The following RNF128 variants were observed in gnomAD, a reference collection of about 807,000 sequenced individuals.
RNF128 encodes E3 ubiquitin-protein ligase RNF128.
RNF128 carries 13 observed loss-of-function variants against 26.2 expected under a neutral mutation model. The observed-to-expected ratio is 0.50, with a 90% CI of 0.32 to 0.79. The LOEUF (loss-of-function observed/expected upper bound fraction) is 0.79. Among genes scored for constraint, RNF128 ranks in the 30% least tolerant of loss-of-function variants. The probability of loss-of-function intolerance (pLI) is 0.03; values close to 1 mark genes in which losing one functional copy is unlikely to be tolerated. For synonymous variants in RNF128, 149 were observed against 142.5 expected, an observed-to-expected ratio of 1.05 and a Z score of -0.32; for missense variants, 315 against 349.7, an observed-to-expected ratio of 0.90 and a Z score of 0.79.
intron 1 of RNF128, among the ~76,000 whole-genome samples, chrX:106,753,444 T>C (rs991606187): frequency 4.5e-5 from 5 of 110,673 alleles, no homozygotes; most frequent in African/African-American, 1.3e-4. Flanking sequence ...TAGCCTCAAA[T>C]CAATGAACCT....
chrX:106,717,021 T>G (rs1166340351), intron 1 of RNF128, among the ~76,000 whole-genome samples: 1 of 109,707 alleles, frequency 9.1e-6, no homozygotes, highest in Non-Finnish European at 1.9e-5. Context: ...GCTAGCACGG[T>G]GAAACCCCGT....
At chrX:106,698,324 T>C (rs887026651) in intron 1 of RNF128, among the ~76,000 whole-genome samples, 2 of 110,564 alleles carry the variant, frequency 1.8e-5, no homozygotes, top group African/African-American at 6.6e-5. Context: ...ATTTCAGCTG[T>C]GTCCAACGAA....
At chrX:106,706,220 A>G (rs1929040773) in intron 1 of RNF128, among the ~76,000 whole-genome samples, 1 of 111,461 alleles carries the variant, frequency 9.0e-6, no homozygotes. Flanking sequence ...CTAGGAGGAA[A>G]TCTCTTAGGG....
chrX:106,778,049 A>G (rs1270629769), intron 2 of RNF128, among the ~76,000 whole-genome samples: 1 of 111,823 alleles, frequency 8.9e-6, no homozygotes, highest in African/African-American at 3.3e-5. Context: ...CAAACACAGT[A>G]TATAATTTAT....
intron 1 of RNF128, among the ~76,000 whole-genome samples, chrX:106,719,213 T>A (rs1326135454): frequency 3.7e-5 from 3 of 81,450 alleles, no homozygotes; most frequent in Non-Finnish European, 6.8e-5. Context: ...AAAAAAAAAA[T>A]TACTGCCCAT....
At chrX:106,768,551 T>G (rs376858780) in intron 1 of RNF128, among the ~76,000 whole-genome samples, 12 of 111,763 alleles carry the variant, frequency 1.1e-4, no homozygotes, top group Non-Finnish European at 2.1e-4. Context: ...TCTGTGGGAT[T>G]GGTGGTGATA....
At chrX:106,747,477 A>G (rs944349090) in intron 1 of RNF128, among the ~76,000 whole-genome samples, 1 of 111,560 alleles carries the variant, frequency 9.0e-6, no homozygotes, top group Non-Finnish European at 1.9e-5. Flanking sequence ...GATAGAAGAA[A>G]TGTAGTGATC....
At chrX:106,793,044 C>T (rs188813239) in intron 6 of RNF128, among the ~76,000 whole-genome samples, 1 of 111,441 alleles carries the variant, frequency 9.0e-6, no homozygotes, top group East Asian at 2.8e-4. Context: ...GGGCTAAGTT[C>T]TATTAGAGCA....
intron 1 of RNF128, among the ~76,000 whole-genome samples, chrX:106,702,581 A>G (rs780343435): frequency 1.1e-4 from 12 of 111,704 alleles, no homozygotes; most frequent in African/African-American, 3.9e-4. Flanking sequence ...CTTCATTCGA[A>G]GAGTACATTC....
chrX:106,726,680 C>G, upstream of RNF128: 1 of 1,014,871 alleles, frequency 9.9e-7, no homozygotes, highest in Non-Finnish European at 1.2e-6. Context: ...CGCTAAAGCC[C>G]CAGAGCCCGA....
At chrX:106,760,457 TG>T (rs1288855348) in intron 1 of RNF128, among the ~76,000 whole-genome samples, 2 of 111,821 alleles carry the variant, frequency 1.8e-5, no homozygotes, top group African/African-American at 6.5e-5. Flanking sequence ...CCAGTTAGGA[TG>T]GCTATTATAA....
rs188556011 is a variant in RNF128 at position 106,766,716 on chromosome X, T to C, written c.485-6197T>C. 6.2e-5 allele frequency among the ~76,000 whole-genome samples: 7 copies of C among 112,179 alleles called. No homozygotes were observed. In the East Asian group the frequency reaches 1.9e-3, roughly 31 times the overall value. On this transcript the variant is annotated intron_variant, in intron 1 of 6. Coordinates refer to ENST00000255499, the MANE Select transcript of RNF128 (RefSeq NM_194463.2). ...TTTGCTGTGCAGAAGCTCTTTAGTT[T>C]AATTAGATCCCATTTGTCAATTTTG...
At chrX:106,699,745 T>C (rs1180876205) in intron 1 of RNF128, among the ~76,000 whole-genome samples, 1 of 111,818 alleles carries the variant, frequency 8.9e-6, no homozygotes, top group Non-Finnish European at 1.9e-5. Context: ...GTCTACTCTT[T>C]CCCTCTCCCT....
chrX:106,770,079 C>G (rs1432371834), intron 1 of RNF128, among the ~76,000 whole-genome samples: 1 of 111,918 alleles, frequency 8.9e-6, no homozygotes, highest in Non-Finnish European at 1.9e-5. Context: ...GGCCCCGACT[C>G]TCTTCTGATT....
intron 3 of RNF128, among the ~76,000 whole-genome samples, chrX:106,787,133 C>T (rs1197485626): frequency 1.8e-5 from 2 of 111,341 alleles, no homozygotes; most frequent in Non-Finnish European, 1.9e-5. Context: ...TCTACGTTCA[C>T]ATAAAAACAC....
chrX:106,778,187 G>T (rs1186571455), intron 2 of RNF128, among the ~76,000 whole-genome samples: 1 of 111,106 alleles, frequency 9.0e-6, no homozygotes, highest in African/African-American at 3.3e-5. Context: ...CTGTGTGAGG[G>T]TCAGTGCCTA....
Position 106,726,772 on chromosome X carries a change from C to A in RNF128, c.-142C>A. On this transcript the variant is annotated 5_prime_UTR_variant, in exon 1 of 7. Coordinates refer to ENST00000255499, the MANE Select transcript of RNF128 (RefSeq NM_194463.2). ...ACCTGTGTGCTGACGCTACGTGCCTCCTGGCTCCGACGTAGCTCGCAGCTC... is the reference window on the plus strand; with the variant it reads ...ACCTGTGTGCTGACGCTACGTGCCTACTGGCTCCGACGTAGCTCGCAGCTC... 9.4e-7 allele frequency: 1 copy of A among 1,068,198 alleles called. No homozygotes were observed. Among genetic ancestry groups the A allele is most frequent in the Non-Finnish European group, 1.2e-6 (1 of 832,360 alleles). The allele number at this position is 1,068,198 out of a possible 1,213,427, so 88.0% of individuals were successfully genotyped here. A position where few individuals can be genotyped will look rare whatever the true frequency, so the allele number is the denominator to read the frequency against.
chrX:106,712,797 T>G (rs1470611689), intron 1 of RNF128, among the ~76,000 whole-genome samples: 1 of 111,298 alleles, frequency 9.0e-6, no homozygotes, highest in African/African-American at 3.3e-5. Context: ...CATTCCACTT[T>G]TAGCCAGTTG....
At chrX:106,787,763 T>C (rs752643261) in intron 3 of RNF128, among the ~76,000 whole-genome samples, 155 bp from the exon 4 acceptor site, 1 of 111,078 alleles carries the variant, frequency 9.0e-6, no homozygotes, top group Admixed American at 9.7e-5. Flanking sequence ...TAAATCACCT[T>C]TGGGAACTTT....
Sources: gnomAD v4.1 joint callset for allele counts (sites outside exome capture counted in the v4.1 genomes callset) on GRCh38, gnomAD v4.1.1 for gene constraint, MANE v1.5 for transcripts, NCBI Gene and HGNC (gene_info 2026-07-23, HGNC 2026-07-21) for gene names.